The following PKIA variants were observed in gnomAD, a reference collection of about 807,000 sequenced individuals.
PKIA encodes cAMP-dependent protein kinase inhibitor alpha.
PKIA carries 4 observed loss-of-function variants against 7.6 expected under a neutral mutation model. That is an observed-to-expected ratio of 0.52 (90% CI 0.26 to 1.20). The LOEUF (loss-of-function observed/expected upper bound fraction) is 1.20, where lower values mean the gene tolerates loss of function less well. Among genes scored for constraint, PKIA ranks in the 50% most tolerant of loss-of-function variants. The pLI is 0.13. For missense variants in PKIA, 73 were observed against 86.2 expected (o/e 0.85, Z 0.61); for synonymous variants, 21 against 30.7 (o/e 0.68, Z 1.04).
chr8:78,602,074 A>T lies in PKIA; in HGVS notation c.*253A>T. On this transcript the variant is annotated 3_prime_UTR_variant, in exon 4 of 4. Transcript: ENST00000396418. The stretch of plus-strand genomic sequence containing the variant: ...GCGTCATTTTTGTATGGATCCTTTC[A>T]CTTGATCATATGACGAAATGCTTAT... 2.1e-6 allele frequency: 1 copy of T among 486,162 alleles called. No homozygotes were observed. The allele number at this position is 486,162 out of a possible 1,614,324, so 30.1% of individuals were successfully genotyped here.
chr8:78,601,928 G>A lies in PKIA; in HGVS notation c.*107G>A. The A allele has an allele frequency of 1.2e-6, 1 of 866,178 alleles. No individual in the cohort carries two copies. The highest frequency in any genetic ancestry group is 1.9e-6 in the Non-Finnish European group (1 of 540,326). The allele number at this position is 866,178 out of a possible 1,614,324, so 53.7% of individuals were successfully genotyped here. A position where few individuals can be genotyped will look rare whatever the true frequency, so the allele number is the denominator to read the frequency against. ...AAAAGAGGAAAAAGAAAATGGCTGT[G>A]CTGCATTGCAGGAACCTGCTCATTA... On this transcript the variant is annotated 3_prime_UTR_variant, in exon 4 of 4. Coordinates refer to ENST00000396418, the MANE Select transcript of PKIA (RefSeq NM_006823.4).
At chr8:78,543,654 C>T (rs1585883152) in intron 1 of PKIA, among the ~76,000 whole-genome samples, 1 of 152,110 alleles carries the variant, frequency 6.6e-6, no homozygotes, top group African/African-American at 2.4e-5. Context: ...TATGGTGGTG[C>T]CAGTGATAAT....
At chr8:78,543,028 G>A (rs541090992) in intron 1 of PKIA, among the ~76,000 whole-genome samples, 1 of 152,262 alleles carries the variant, frequency 6.6e-6, no homozygotes, top group African/African-American at 2.4e-5. Context: ...AAAGCAAGGT[G>A]ATGCTTAATG....
rs184426928 is a variant in PKIA, at chr8:78,533,649, A to C, written c.-157+17181A>C. Among the ~76,000 whole-genome samples the C allele has an allele frequency of 2.3e-4, 35 of 152,204 alleles. No homozygotes were observed. In the East Asian group the frequency reaches 5.6e-3, roughly 24 times the overall value. ...AGATGGAGGAGTGCTTGAAGCCAGT[A>C]GTTCGAGACCAGCCAGGGCAACATA... is the stretch of plus-strand genomic sequence containing the variant. On this transcript the variant is annotated intron_variant, in intron 1 of 3. Coordinates refer to ENST00000396418, the MANE Select transcript of PKIA (RefSeq NM_006823.4).
intron 3 of PKIA, among the ~76,000 whole-genome samples, chr8:78,599,309 A>T (rs1314086576): frequency 6.6e-6 from 1 of 152,072 alleles, no homozygotes; most frequent in East Asian, 1.9e-4. Flanking sequence ...AAGTAAAAAG[A>T]ATTCATGATT....
chr8:78,562,226 A>G (rs116977666), intron 1 of PKIA, among the ~76,000 whole-genome samples: 3,572 of 152,290 alleles, frequency 0.023, 64 homozygotes, highest in Non-Finnish European at 0.036. Flanking sequence ...CCAAGCTTAT[A>G]TTAATATAGT....
chr8:78,519,351 T>C (rs923303934), intron 1 of PKIA, among the ~76,000 whole-genome samples: 7 of 152,134 alleles, frequency 4.6e-5, no homozygotes, highest in Non-Finnish European at 1.0e-4. Context: ...GGCAGGAGGA[T>C]TGCTTGAGCC....
chr8:78,597,822 C>A (rs1218642047), intron 2 of PKIA, among the ~76,000 whole-genome samples: 1 of 151,896 alleles, frequency 6.6e-6, no homozygotes, highest in Non-Finnish European at 1.5e-5. Context: ...TCATATGACC[C>A]TCAGAGCCTA....
intron 3 of PKIA, among the ~76,000 whole-genome samples, chr8:78,599,504 G>C (rs1422315285): frequency 6.6e-6 from 1 of 151,980 alleles, no homozygotes; most frequent in Non-Finnish European, 1.5e-5. Context: ...AAATATATAA[G>C]GATGGTATTT....
chr8:78,583,119 A>G (rs1319500180), intron 2 of PKIA, among the ~76,000 whole-genome samples: 3 of 152,178 alleles, frequency 2.0e-5, no homozygotes, highest in Non-Finnish European at 4.4e-5. Context: ...CTTTCTAAAT[A>G]TAGGTTTTTC....
At chr8:78,584,386 G>A (rs541183738) in intron 2 of PKIA, among the ~76,000 whole-genome samples, 1 of 152,164 alleles carries the variant, frequency 6.6e-6, no homozygotes. Flanking sequence ...AGCCAAGCAT[G>A]GCTATAATTT....
intron 1 of PKIA, among the ~76,000 whole-genome samples, chr8:78,561,081 T>A (rs1401232962): frequency 6.6e-6 from 1 of 152,156 alleles, no homozygotes; most frequent in Non-Finnish European, 1.5e-5. Context: ...ACTAAATGAT[T>A]AGTGTGTTTG....
rs940654447 is a variant in PKIA, at chr8:78,518,630, T to C, written c.-157+2162T>C. On this transcript the variant is annotated intron_variant, in intron 1 of 3. Transcript: ENST00000396418. ...GTGCGTGAGAATATCCTAATGATGG[T>C]TAGAAATTCGAAGTGTCTATCATTT... 9.2e-5 allele frequency among the ~76,000 whole-genome samples: 14 copies of C among 152,274 alleles called. No individual in the cohort carries two copies. The East Asian group carries it at 2.5e-3, about 27-fold the overall frequency.
intron 1 of PKIA, among the ~76,000 whole-genome samples, chr8:78,520,111 G>T (rs1387085774): frequency 1.3e-5 from 2 of 152,076 alleles, no homozygotes; most frequent in Non-Finnish European, 2.9e-5. Context: ...TGTATTATAG[G>T]TGTTCAGCAA....
At chr8:78,588,700 C>T (rs989191348) in intron 2 of PKIA, among the ~76,000 whole-genome samples, 2 of 151,852 alleles carry the variant, frequency 1.3e-5, no homozygotes, top group Admixed American at 1.3e-4. Flanking sequence ...GAAAACAGTC[C>T]TCCTAAGTTA....
At chr8:78,544,963 TTA>T (rs1298627176) in intron 1 of PKIA, among the ~76,000 whole-genome samples, 1 of 152,158 alleles carries the variant, frequency 6.6e-6, no homozygotes, top group Admixed American at 6.6e-5. Context: ...ATTATATCCA[TTA>T]TATGTCATAT....
chr8:78,594,967 A>T (rs1808195241), intron 2 of PKIA, among the ~76,000 whole-genome samples: 1 of 152,182 alleles, frequency 6.6e-6, no homozygotes, highest in Admixed American at 6.5e-5. Context: ...TCCCAAAGAG[A>T]ACAGCATAAG....
chr8:78,588,634 A>G lies in PKIA; in HGVS notation c.-27-9724A>G, dbSNP rs964909993. 8.5e-5 allele frequency among the ~76,000 whole-genome samples: 13 copies of G among 152,316 alleles called. No individual in the cohort carries two copies. The East Asian group carries it at 1.4e-3, about 16-fold the overall frequency. ...ATAATCTGTAGTGATTATTTAGTGT[A>G]CAGATTATTTGGTGTACAGATTATT... On this transcript the variant is annotated intron_variant, in intron 2 of 3. Coordinates refer to ENST00000396418, the MANE Select transcript of PKIA (RefSeq NM_006823.4).
At chr8:78,577,872 A>G (rs1807713020) in intron 2 of PKIA, among the ~76,000 whole-genome samples, 3 of 151,994 alleles carry the variant, frequency 2.0e-5, no homozygotes, top group Admixed American at 2.0e-4. Context: ...AAACATGTAT[A>G]AATAAAGTTT....
Sources: gnomAD v4.1 joint callset for allele counts (sites outside exome capture counted in the v4.1 genomes callset) on GRCh38, gnomAD v4.1.1 for gene constraint, MANE v1.5 for transcripts, NCBI Gene and HGNC (gene_info 2026-07-23, HGNC 2026-07-21) for gene names.